The following GPX7 variants were observed in gnomAD, a reference collection of about 807,000 sequenced individuals.
The protein encoded by GPX7 is glutathione peroxidase 7.
In GPX7, 21 loss-of-function variants were observed where a neutral mutation model predicts 23.7. The ratio of observed to expected loss-of-function variants is 0.89; its 90% CI spans 0.63 to 1.28. The LOEUF is 1.28. GPX7 is among the 50% of genes most tolerant of loss of function. GPX7 has a pLI of 0.00. For synonymous variants in GPX7, 112 were observed against 101.8 expected (o/e 1.10, Z -0.61); for missense variants, 238 against 237.3 (o/e 1.00, Z -0.02).
Position 52,602,401 on chromosome 1 carries a change from G to C in GPX7, c.-9G>C. ...TGCCCTCGCGACGCCGCCACCTCCG[G>C]AACAAGCCATGGTGGCGGCGACGGT... On this transcript the variant is annotated 5_prime_UTR_variant, in exon 1 of 3. Coordinates refer to ENST00000361314, the MANE Select transcript of GPX7 (RefSeq NM_015696.5). The C allele has an allele frequency of 1.3e-6, 2 of 1,491,354 alleles. No individual in the cohort carries two copies. The highest frequency in any genetic ancestry group is 1.8e-6 in the Non-Finnish European group (2 of 1,121,890). The allele number at this position is 1,491,354 out of a possible 1,614,324, so 92.4% of individuals were successfully genotyped here.
chr1:52,608,570 G>GA lies in GPX7; in HGVS notation c.*150dup. 1 of 575,802 alleles carries GA rather than the reference G, an allele frequency of 1.7e-6. No individual in the cohort carries two copies. The highest frequency in any genetic ancestry group is 2.7e-6 in the Non-Finnish European group (1 of 370,402). 35.7% of individuals were successfully genotyped at this position (575,802 alleles called of 1,614,324 possible). A position where few individuals can be genotyped will look rare whatever the true frequency, so the allele number is the denominator to read the frequency against. ...CATTGGTCCCATCATTCTTGTGGGG[G>GA]AAAAATTCTAGTATTTTGATTATTT... On this transcript the variant is annotated 3_prime_UTR_variant, in exon 3 of 3. Transcript: ENST00000361314.
In GPX7 at chr1:52,608,275, G is replaced by A; in HGVS notation, c.414G>A (p.Lys138=). ...CTTTTTCTCTAGAGACTTCTGGGAA[G>A]GAGCCCACCTGGAACTTCTGGAAGT... ...AFKYLAQTSG[K]EPTWNFWKYL... The change falls in exon 3 of 3, where the codon AAG becomes AAA. Residue 138 remains lysine (K), a synonymous_variant. Transcript: ENST00000361314. 6.2e-7 allele frequency: 1 copy of A among 1,611,778 alleles called. No individual in the cohort carries two copies.
At chr1:52,604,077 A>G (rs957167182) in intron 1 of GPX7, among the ~76,000 whole-genome samples, 2 of 152,236 alleles carry the variant, frequency 1.3e-5, no homozygotes, top group Non-Finnish European at 2.9e-5. Context: ...TTTCCACTAA[A>G]TGGAGCTTAC....
chr1:52,608,192 A>G, intron 2 of GPX7, 70 bp from the exon 3 acceptor site: 6 of 1,414,308 alleles, frequency 4.2e-6, no homozygotes, highest in Non-Finnish European at 5.8e-6. Context: ...GGAAAGATGG[A>G]CACTGAGAGT....
At chr1:52,605,516 G>A (rs752536841) in intron 1 of GPX7, among the ~76,000 whole-genome samples, 15 of 152,076 alleles carry the variant, frequency 9.9e-5, no homozygotes, top group African/African-American at 2.2e-4. Context: ...CCTAGGCACC[G>A]GCTAGGGTTT....
At chr1:52,605,045 TAAAAAAAAAAAAAA>T (rs59749784) in intron 1 of GPX7, among the ~76,000 whole-genome samples, 1 of 83,672 alleles carries the variant, frequency 1.2e-5, no homozygotes, top group Non-Finnish European at 2.2e-5. Context: ...ACTCTGTCTT[TAAAAAAAAAAAAAA>T]AAAAAAAAAA....
Position 52,608,410 on chromosome 1 carries a change from G to T in GPX7, c.549G>T (p.Lys183Asn), listed in dbSNP as rs981283112. 2.5e-6 allele frequency: 4 copies of T among 1,611,918 alleles called. No homozygotes were observed. The African/African-American group carries it at 4.0e-5, about 16-fold the overall frequency. ...TALVRKLILL[K>N]REDL The stretch of plus-strand genomic sequence containing the variant: ...TCGTGAGGAAGCTCATCCTACTGAA[G>T]CGAGAAGACTTATAACCACCGCGTC... Residue 183 changes from lysine to asparagine, a missense_variant, in exon 3 of 3, where the codon AAG becomes AAT. Transcript: ENST00000361314.
chr1:52,603,022 G>A (rs1347869256), intron 1 of GPX7, among the ~76,000 whole-genome samples: 1 of 152,204 alleles, frequency 6.6e-6, no homozygotes, highest in East Asian at 1.9e-4. Context: ...AGGGCAGAGA[G>A]AGAGTTATTT....
At chr1:52,603,891 C>T (rs1056342378) in intron 1 of GPX7, among the ~76,000 whole-genome samples, 1 of 152,152 alleles carries the variant, frequency 6.6e-6, no homozygotes, top group Admixed American at 6.5e-5. Context: ...AAGAACAGGG[C>T]CCGCTCCAAT....
Position 52,606,769 on chromosome 1 carries a change from GC to G in GPX7, c.229del (p.His77ThrfsTer72), listed in dbSNP as rs763947644. On this transcript the variant is annotated frameshift_variant, in exon 2 of 3. Transcript: ENST00000361314. LOFTEE classifies it high-confidence loss of function. ...CTGCAGCAGCTGCAGCGAGACCTGG[GC>G]CCCCACCACTTTAACGTGCTCGCCT... ...RALQQLQRDL[G>X]PHHFNVLAFP... 1.9e-6 allele frequency: 3 copies of G among 1,614,126 alleles called. No homozygotes were observed. The highest frequency in any genetic ancestry group is 1.7e-6 in the Non-Finnish European group (2 of 1,180,012).
At chr1:52,602,658 C>T (rs1474261265) in intron 1 of GPX7, 111 bp downstream of exon 1, 1 of 433,706 alleles carries the variant, frequency 2.3e-6, no homozygotes, top group Non-Finnish European at 3.5e-6. Flanking sequence ...GAGGACGCTC[C>T]AGCCGCGCGG....
rs778007125 is a variant in GPX7, at chr1:52,608,427, C to T, written c.*2C>T. On this transcript the variant is annotated 3_prime_UTR_variant, in exon 3 of 3. Transcript: ENST00000361314. ...CTACTGAAGCGAGAAGACTTATAACCACCGCGTCTCCTCCTCCACCACCTC... is the reference window on the plus strand; with the variant it reads ...CTACTGAAGCGAGAAGACTTATAACTACCGCGTCTCCTCCTCCACCACCTC... 1 of 1,601,498 alleles carries T rather than the reference C, an allele frequency of 6.2e-7. No homozygotes were observed. The highest frequency in any genetic ancestry group is 2.2e-5 in the East Asian group (1 of 44,686).
chr1:52,607,811 G>A (rs949989778), intron 2 of GPX7, among the ~76,000 whole-genome samples: 3 of 151,806 alleles, frequency 2.0e-5, no homozygotes, highest in Non-Finnish European at 4.4e-5. Flanking sequence ...GAAGCACCTG[G>A]GGAGCTCTTA....
At position 52,608,487 on chromosome 1, in the gene GPX7, A is replaced by T; in HGVS notation, c.*62A>T. On this transcript the variant is annotated 3_prime_UTR_variant, in exon 3 of 3. Transcript: ENST00000361314. ...ACCTGTGTGGGGCTGACCAATGCAA[A>T]CTCAAATGGTGCTTCAAAGGGAGAG... 1 of 1,404,936 alleles carries T rather than the reference A, an allele frequency of 7.1e-7. No individual in the cohort carries two copies. The highest frequency in any genetic ancestry group is 9.6e-7 in the Non-Finnish European group (1 of 1,044,826). The allele number at this position is 1,404,936 out of a possible 1,614,324, so 87.0% of individuals were successfully genotyped here.
intron 2 of GPX7, 98 bp from the exon 3 acceptor site, chr1:52,608,164 A>T: frequency 8.9e-7 from 1 of 1,122,600 alleles, no homozygotes; most frequent in Non-Finnish European, 1.3e-6. Context: ...ACTGGGCATC[A>T]GGATTAGCTG....
intron 1 of GPX7, among the ~76,000 whole-genome samples, chr1:52,605,047 A>T (rs919864761): frequency 2.2e-3 from 29 of 13,190 alleles, no homozygotes; most frequent in African/African-American, 9.2e-3. Context: ...TCTGTCTTTA[A>T]AAAAAAAAAA....
At chr1:52,607,359 G>A (rs1401072247) in intron 2 of GPX7, 3 of 185,388 alleles carry the variant, frequency 1.6e-5, no homozygotes, top group Admixed American at 1.6e-4. Context: ...TAGTAGACAG[G>A]CATCTTCACC....
chr1:52,608,459 C>T lies in GPX7; in HGVS notation c.*34C>T. ...TCTCCTCCTCCACCACCTCATCCCG[C>T]CCACCTGTGTGGGGCTGACCAATGC... On this transcript the variant is annotated 3_prime_UTR_variant, in exon 3 of 3. Coordinates refer to ENST00000361314, the MANE Select transcript of GPX7 (RefSeq NM_015696.5). 1.3e-6 allele frequency: 2 copies of T among 1,570,116 alleles called. No individual in the cohort carries two copies. The highest frequency in any genetic ancestry group is 8.6e-7 in the Non-Finnish European group (1 of 1,158,506).
At chr1:52,605,180 G>A (rs1243514454) in intron 1 of GPX7, among the ~76,000 whole-genome samples, 2 of 152,102 alleles carry the variant, frequency 1.3e-5, no homozygotes, top group Non-Finnish European at 2.9e-5. Flanking sequence ...GCACAGTATG[G>A]TGTATGCTGA....
Sources: allele counts gnomAD v4.1 joint callset (sites outside exome capture counted in the v4.1 genomes callset), GRCh38; gene constraint gnomAD v4.1.1; transcripts MANE v1.5; gene names NCBI Gene and HGNC (gene_info 2026-07-23, HGNC 2026-07-21).